SEMA6D: variants seen among roughly 807,000 people sequenced by gnomAD.
SEMA6D encodes the protein semaphorin 6D.
SEMA6D carries 35 observed loss-of-function variants against 106.6 expected under a neutral mutation model. The ratio of observed to expected loss-of-function variants is 0.33; its 90% CI spans 0.25 to 0.44. The LOEUF is 0.44. Ranked by LOEUF, SEMA6D falls within the 20% of genes least tolerant of loss-of-function variation. SEMA6D has a pLI of 1.00. For synonymous variants in SEMA6D, 499 were observed against 487.7 expected, an observed-to-expected ratio of 1.02 and a Z score of -0.31; for missense variants, 1,185 against 1,345.9, an observed-to-expected ratio of 0.88 and a Z score of 1.87.
intron 1 of SEMA6D, chr15:47,185,906 G>T (rs1893533746): frequency 6.6e-6 from 1 of 151,980 alleles, no homozygotes; most frequent in African/African-American, 2.4e-5. Context: ...TTTTTCTGAG[G>T]TCCGTGGGTA....
At chr15:47,733,560 C>A (rs1239973020) in intron 1 of SEMA6D, among the ~76,000 whole-genome samples, 2 of 152,216 alleles carry the variant, frequency 1.3e-5, no homozygotes, top group African/African-American at 4.8e-5. Context: ...GCTACTCTCT[C>A]TATATTCAGC....
intron 1 of SEMA6D, among the ~76,000 whole-genome samples, chr15:47,231,199 C>T (rs1373047489): frequency 6.6e-6 from 1 of 151,874 alleles, no homozygotes; most frequent in Non-Finnish European, 1.5e-5. Context: ...TCGAGCTTAG[C>T]GGTTGAAATC....
At chr15:47,389,715 C>G (rs912675278) in intron 1 of SEMA6D, among the ~76,000 whole-genome samples, 2 of 152,190 alleles carry the variant, frequency 1.3e-5, no homozygotes, top group East Asian at 1.9e-4. Context: ...AGTGTCTTAA[C>G]TCTCCACCCA....
At chr15:47,565,935 T>G (rs1056024770) in intron 3 of SEMA6D, among the ~76,000 whole-genome samples, 6 of 152,340 alleles carry the variant, frequency 3.9e-5, no homozygotes, top group African/African-American at 1.4e-4. Context: ...AGTTTACAAC[T>G]GAGATATAGA....
chr15:47,471,190 T>C (rs1225903725), intron 3 of SEMA6D, among the ~76,000 whole-genome samples: 1 of 152,154 alleles, frequency 6.6e-6, no homozygotes, highest in East Asian at 1.9e-4. Flanking sequence ...TGACACGGCA[T>C]TGGGTGACTG....
At chr15:47,740,653 C>T (rs944671875) in intron 1 of SEMA6D, among the ~76,000 whole-genome samples, 2 of 152,190 alleles carry the variant, frequency 1.3e-5, no homozygotes, top group Non-Finnish European at 2.9e-5. Flanking sequence ...CAAAGGGAGC[C>T]TCTCTAACTT....
At chr15:47,714,366 G>A (rs1227686279), upstream of SEMA6D, among the ~76,000 whole-genome samples, 1 of 152,088 alleles carries the variant, frequency 6.6e-6, no homozygotes, top group Non-Finnish European at 1.5e-5. Context: ...TACTTACCTT[G>A]TAGCATTGTT....
chr15:47,346,596 A>G (rs768839590), intron 1 of SEMA6D, among the ~76,000 whole-genome samples: 5 of 152,200 alleles, frequency 3.3e-5, no homozygotes, highest in Non-Finnish European at 7.3e-5. Flanking sequence ...AGCCAATTCA[A>G]ATTTAGAAAC....
At chr15:47,516,403 A>G (rs866118474) in intron 3 of SEMA6D, among the ~76,000 whole-genome samples, 1 of 152,228 alleles carries the variant, frequency 6.6e-6, no homozygotes, top group African/African-American at 2.4e-5. Flanking sequence ...ATGGCACATC[A>G]AAGTGACTAG....
intron 1 of SEMA6D, among the ~76,000 whole-genome samples, chr15:47,271,333 G>C (rs755359084): frequency 3.3e-4 from 50 of 152,184 alleles, no homozygotes; most frequent in Non-Finnish European, 6.3e-4. Flanking sequence ...TCTTATGAGA[G>C]CCGTGCGGAA....
chr15:47,462,002 G>GTTAC (rs1298499206), intron 2 of SEMA6D, among the ~76,000 whole-genome samples: 1 of 151,890 alleles, frequency 6.6e-6, no homozygotes, highest in African/African-American at 2.4e-5. Context: ...ATTTCATAAA[G>GTTAC]TTACTATTTG....
In SEMA6D at chr15:47,304,433, TAAAAAAAAAAAAAAAAAAA is replaced by T. The variant is rs56185341; in HGVS notation, c.-238-107942_-238-107924del. On this transcript the variant is annotated intron_variant, in intron 1 of 19. Transcript: ENST00000558014. ...TGCACTCCAGCCTGAGCCTTCTAAC[TAAAAAAAAAAAAAAAAAAA>T]AAAAAAAAAAAAAAAAATTCTCTTA... is the stretch of plus-strand genomic sequence containing the variant. Among the ~76,000 whole-genome samples, 184 of 93,818 alleles carry T rather than the reference TAAAAAAAAAAAAAAAAAAA, an allele frequency of 2.0e-3. 1 individual carries two copies. The highest frequency in any genetic ancestry group is 6.6e-3 in the Middle Eastern group (1 of 152). The allele number at this position is 93,818 out of a possible 152,430, so 61.5% of individuals were successfully genotyped here.
chr15:47,422,120 C>T (rs2041177900), intron 2 of SEMA6D, among the ~76,000 whole-genome samples: 1 of 151,052 alleles, frequency 6.6e-6, no homozygotes, highest in South Asian at 2.1e-4. Flanking sequence ...GGATGAAAAC[C>T]AAAGGTCAGG....
chr15:47,485,936 T>C (rs2043283865), intron 3 of SEMA6D, among the ~76,000 whole-genome samples: 1 of 152,200 alleles, frequency 6.6e-6, no homozygotes. Flanking sequence ...TTAGACTGTG[T>C]TTGTGTAGAC....
At chr15:47,347,001 C>T (rs925962187) in intron 1 of SEMA6D, among the ~76,000 whole-genome samples, 6 of 152,086 alleles carry the variant, frequency 3.9e-5, no homozygotes, top group African/African-American at 7.2e-5. Context: ...TTCCCCCTCC[C>T]GGGTTCAAGC....
intron 1 of SEMA6D, among the ~76,000 whole-genome samples, chr15:47,226,535 T>C (rs2031680986): frequency 1.3e-5 from 2 of 152,114 alleles, no homozygotes; most frequent in Non-Finnish European, 2.9e-5. Context: ...CAGAGCCTTT[T>C]CATTCCTTTT....
chr15:47,438,755 G>A (rs1165844481), intron 2 of SEMA6D, among the ~76,000 whole-genome samples: 2 of 151,570 alleles, frequency 1.3e-5, no homozygotes, highest in East Asian at 2.0e-4. Context: ...ATTTCTGCTT[G>A]TTCAGGTAAT....
intron 3 of SEMA6D, among the ~76,000 whole-genome samples, chr15:47,577,743 C>A (rs188590396): frequency 2.0e-5 from 3 of 152,276 alleles, no homozygotes; most frequent in African/African-American, 7.2e-5. Flanking sequence ...GACAGTCTGC[C>A]GCTCCAGCTG....
intron 1 of SEMA6D, among the ~76,000 whole-genome samples, chr15:47,212,596 C>G (rs753219127): frequency 7.9e-5 from 12 of 152,194 alleles, no homozygotes; most frequent in Non-Finnish European, 1.6e-4. Context: ...ATCAATTATC[C>G]ACTTTCTGTA....
Sources: allele counts gnomAD v4.1 joint callset (sites outside exome capture counted in the v4.1 genomes callset), GRCh38; gene constraint gnomAD v4.1.1; transcripts MANE v1.5; gene names NCBI Gene and HGNC (gene_info 2026-07-23, HGNC 2026-07-21).